Variants in NRXN1 observed in about 807,000 individuals in gnomAD.
NRXN1 encodes the protein neurexin-1.
NRXN1 carries 39 observed loss-of-function variants against 150.9 expected under a neutral mutation model. The observed-to-expected ratio is 0.26, with a 90% confidence interval of 0.20 to 0.34. The LOEUF (loss-of-function observed/expected upper bound fraction) is 0.34. Among genes scored for constraint, NRXN1 ranks in the 10% least tolerant of loss-of-function variants. NRXN1 has a pLI of 1.00. For missense variants in NRXN1, 1,815 were observed against 1,949.9 expected (o/e 0.93, Z 1.30); for synonymous variants, 924 against 757.0 (o/e 1.22, Z -3.62).
At chr2:50,129,203 A>ATT (rs79880813) in intron 18 of NRXN1, among the ~76,000 whole-genome samples, 17 of 151,010 alleles carry the variant, frequency 1.1e-4, no homozygotes, top group Admixed American at 4.0e-4. Flanking sequence ...CTACTAAAGC[A>ATT]TTTTTTTTTA....
chr2:49,974,082 A>C (rs1678471123), intron 21 of NRXN1: 1 of 717,120 alleles, frequency 1.4e-6, no homozygotes, highest in East Asian at 2.7e-5. Flanking sequence ...CATCCTCTGA[A>C]ATCAATACTG....
intron 18 of NRXN1, among the ~76,000 whole-genome samples, chr2:50,123,152 C>G (rs1221142099): frequency 1.3e-5 from 2 of 152,184 alleles, no homozygotes; most frequent in Non-Finnish European, 2.9e-5. Flanking sequence ...ACAAAAACCT[C>G]TGCCCTCCTG....
At chr2:50,922,563 G>T in intron 4 of NRXN1, 95 bp downstream of exon 4, 1 of 1,093,542 alleles carries the variant, frequency 9.1e-7, no homozygotes, top group Non-Finnish European at 1.4e-6. Flanking sequence ...CATATAATTT[G>T]CAAGCATTTG....
chr2:51,031,961 C>T lies in NRXN1; in HGVS notation c.-922+20G>A, dbSNP rs1222757148. 6.6e-6 allele frequency: 1 copy of T among 152,232 alleles called. No homozygotes were observed. The allele number at this position is 152,232 out of a possible 1,614,324, so 9.4% of individuals were successfully genotyped here. Reference sequence around the variant, plus strand: ...GCCTCGCCCCATCCCCTCCCCCCAACCCAAATTGAGCTTCTTTACCTGCCC... The same window carrying T: ...GCCTCGCCCCATCCCCTCCCCCCAATCCAAATTGAGCTTCTTTACCTGCCC... On this transcript the variant is annotated intron_variant, in intron 1 of 22. Transcript: ENST00000401669.
intron 17 of NRXN1, among the ~76,000 whole-genome samples, chr2:50,318,944 A>G (rs942804870): frequency 1.3e-5 from 2 of 152,184 alleles, no homozygotes; most frequent in African/African-American, 4.8e-5. Flanking sequence ...TATAAGTTTT[A>G]AAGGTAAATT....
intron 19 of NRXN1, among the ~76,000 whole-genome samples, chr2:50,065,816 C>A (rs1446862076): frequency 6.6e-6 from 1 of 152,106 alleles, no homozygotes; most frequent in Admixed American, 6.6e-5. Flanking sequence ...GGACGTTGAA[C>A]CTCTCCAGAA....
chr2:49,999,464 T>C (rs530233985), intron 21 of NRXN1, among the ~76,000 whole-genome samples: 2 of 152,132 alleles, frequency 1.3e-5, no homozygotes, highest in African/African-American at 2.4e-5. Context: ...AAGTCTTACA[T>C]ATCTGTATTT....
At chr2:50,279,246 A>G (rs1249336929) in intron 17 of NRXN1, among the ~76,000 whole-genome samples, 2 of 152,202 alleles carry the variant, frequency 1.3e-5, no homozygotes, top group Non-Finnish European at 2.9e-5. Context: ...GGTACTGGTC[A>G]TCATCAAATT....
At chr2:50,827,915 T>G (rs3901214) in intron 5 of NRXN1, among the ~76,000 whole-genome samples, 121,091 of 142,254 alleles carry the variant, frequency 0.85, 51,644 homozygotes, top group Middle Eastern at 0.88. Flanking sequence ...AGAGCACAGG[T>G]TTGGGGGTAA....
rs529336848 is a variant in NRXN1 at position 50,204,184 on chromosome 2, T to C, written c.3546+32605A>G. Among the ~76,000 whole-genome samples, 47 of 152,164 alleles carry C rather than the reference T, an allele frequency of 3.1e-4. No individual in the cohort carries two copies. In the South Asian group the frequency reaches 9.3e-3, roughly 30 times the overall value. The stretch of plus-strand genomic sequence containing the variant: ...TATAAAGTAAAAAGCAGCACTCAAA[T>C]TGTAGAGCTGGGATAATACAACTAG... On this transcript the variant is annotated intron_variant, in intron 18 of 22. Coordinates refer to ENST00000401669, the MANE Select transcript of NRXN1 (RefSeq NM_001330078.2).
At chr2:50,026,849 CTTTTCTTTTCTTTTTTTTT>C (rs1688369801) in intron 21 of NRXN1, among the ~76,000 whole-genome samples, 2 of 66,708 alleles carry the variant, frequency 3.0e-5, no homozygotes, top group Non-Finnish European at 5.5e-5. Flanking sequence ...TTGTTTAAGT[CTTTTCTTTTCTTTTTTTTT>C]TTTTTTTTTT....
intron 8 of NRXN1, among the ~76,000 whole-genome samples, chr2:50,613,771 T>A (rs986897675): frequency 2.6e-5 from 4 of 152,110 alleles, no homozygotes; most frequent in African/African-American, 9.7e-5. Context: ...ACCCTGTCTC[T>A]ACTAAAAATA....
At chr2:50,085,717 T>TG (rs1312131537) in intron 19 of NRXN1, among the ~76,000 whole-genome samples, 41 of 151,696 alleles carry the variant, frequency 2.7e-4, no homozygotes, top group African/African-American at 9.9e-4. Context: ...TATAAGAAAA[T>TG]TTTTTTTATG....
chr2:50,725,019 A>C (rs150448193), intron 5 of NRXN1, among the ~76,000 whole-genome samples: 25 of 152,244 alleles, frequency 1.6e-4, no homozygotes, highest in African/African-American at 5.5e-4. Flanking sequence ...GCCTTTGTGG[A>C]GCTTGCTTCC....
At chr2:50,800,275 G>T (rs922220770) in intron 5 of NRXN1, among the ~76,000 whole-genome samples, 3 of 152,082 alleles carry the variant, frequency 2.0e-5, no homozygotes, top group Non-Finnish European at 4.4e-5. Flanking sequence ...TTAACTAATA[G>T]AGATAAGAGG....
chr2:50,569,992 A>C (rs1462599588), intron 8 of NRXN1, among the ~76,000 whole-genome samples: 3 of 152,214 alleles, frequency 2.0e-5, no homozygotes, highest in Non-Finnish European at 4.4e-5. Flanking sequence ...CTCTCAAGTA[A>C]CTACTGTTGC....
chr2:50,506,395 AT>A, intron 13 of NRXN1, 99 bp downstream of exon 13: 1 of 1,061,936 alleles, frequency 9.4e-7, no homozygotes, highest in Non-Finnish European at 1.3e-6. Context: ...GTGTGAATAC[AT>A]TTCAAGTTGT....
intron 2 of NRXN1, among the ~76,000 whole-genome samples, chr2:50,996,575 AG>A (rs1699315301): frequency 6.6e-6 from 1 of 152,112 alleles, no homozygotes. Context: ...TTGACATCCC[AG>A]ATCTGCATGT....
At chr2:50,182,008 C>CT (rs2060753371) in intron 18 of NRXN1, among the ~76,000 whole-genome samples, 1 of 149,914 alleles carries the variant, frequency 6.7e-6, no homozygotes, top group African/African-American at 2.5e-5. Flanking sequence ...GTTTCCATAT[C>CT]TTTTTTGGTA....
Sources: allele counts gnomAD v4.1 joint callset (sites outside exome capture counted in the v4.1 genomes callset), GRCh38; gene constraint gnomAD v4.1.1; transcripts MANE v1.5; gene names NCBI Gene and HGNC (gene_info 2026-07-23, HGNC 2026-07-21).